Variants in SYNDIG1L observed in about 807,000 individuals in gnomAD.
SYNDIG1L encodes the protein synapse differentiation-inducing gene protein 1-like.
SYNDIG1L carries 13 observed loss-of-function variants against 20.1 expected under a neutral mutation model. That is an observed-to-expected ratio of 0.65 (90% CI 0.42 to 1.03). SYNDIG1L has a LOEUF of 1.03. SYNDIG1L is among the 50% of genes least tolerant of loss of function. The probability of loss-of-function intolerance (pLI) is 0.00; values close to 1 mark genes in which losing one functional copy is unlikely to be tolerated. For synonymous variants in SYNDIG1L, 128 were observed against 129.3 expected (o/e 0.99, Z 0.07); for missense variants, 294 against 305.1 (o/e 0.96, Z 0.27).
the SYNDIG1L span, among the ~76,000 whole-genome samples, chr14:74,447,760 T>A: frequency 6.6e-6 from 1 of 152,038 alleles, no homozygotes; most frequent in Non-Finnish European, 1.5e-5. Context: ...AATGGTAAAA[T>A]ATAGAACATT....
chr14:74,458,411 G>A, the SYNDIG1L span, among the ~76,000 whole-genome samples: 3 of 151,754 alleles, frequency 2.0e-5, no homozygotes, highest in Non-Finnish European at 4.4e-5. Context: ...GAGCTCAGGA[G>A]TTCAAAACCA....
the SYNDIG1L span, among the ~76,000 whole-genome samples, chr14:74,449,985 G>GA: frequency 5.7e-4 from 86 of 152,020 alleles, no homozygotes; most frequent in African/African-American, 2.0e-3. Context: ...GACTGAGTAG[G>GA]AAAAAAAGAG....
chr14:74,435,173 C>T, the SYNDIG1L span, among the ~76,000 whole-genome samples: 4 of 151,922 alleles, frequency 2.6e-5, no homozygotes, highest in Admixed American at 2.6e-4. Context: ...GCCTTGCCCT[C>T]CATCCTCAAG....
intron 1 of SYNDIG1L, among the ~76,000 whole-genome samples, chr14:74,417,586 C>T (rs1369871120): frequency 6.6e-6 from 1 of 152,184 alleles, no homozygotes; most frequent in African/African-American, 2.4e-5. Flanking sequence ...TATTATTATT[C>T]CCCATTGTTT....
At chr14:74,418,232 G>A (rs75323194) in intron 1 of SYNDIG1L, among the ~76,000 whole-genome samples, 4,014 of 152,350 alleles carry the variant, frequency 0.026, 138 homozygotes, top group South Asian at 0.15. Flanking sequence ...GAGCCACCAA[G>A]CCAGCTTGGA....
At chr14:74,427,440 G>A (rs771008994), upstream of SYNDIG1L, among the ~76,000 whole-genome samples, 38 of 152,232 alleles carry the variant, frequency 2.5e-4, no homozygotes, top group Non-Finnish European at 3.8e-4. Flanking sequence ...CCCACAGGAT[G>A]TGGGCATCTG....
At chr14:74,477,073 CA>C in the SYNDIG1L span, among the ~76,000 whole-genome samples, 2 of 75,834 alleles carry the variant, frequency 2.6e-5, no homozygotes, top group African/African-American at 4.4e-5. Flanking sequence ...CACACACACA[CA>C]CACACACACA....
the SYNDIG1L span, among the ~76,000 whole-genome samples, chr14:74,458,288 C>T: frequency 4.6e-5 from 7 of 152,196 alleles, no homozygotes; most frequent in Admixed American, 2.6e-4. Flanking sequence ...TGTGAATGTG[C>T]TTTGCAGGTT....
At chr14:74,434,598 T>C in the SYNDIG1L span, among the ~76,000 whole-genome samples, 12 of 150,980 alleles carry the variant, frequency 7.9e-5, no homozygotes, top group African/African-American at 2.4e-4. Context: ...TCCAGAAGGG[T>C]CAGGAAACTG....
chr14:74,428,581 A>C (rs1246348601), upstream of SYNDIG1L, among the ~76,000 whole-genome samples: 3 of 152,198 alleles, frequency 2.0e-5, no homozygotes, highest in Admixed American at 1.3e-4. Context: ...GTCATGGAGT[A>C]AGTGAAGAGT....
chr14:74,440,565 G>C, the SYNDIG1L span, among the ~76,000 whole-genome samples: 3 of 149,094 alleles, frequency 2.0e-5, no homozygotes, highest in East Asian at 5.9e-4. Flanking sequence ...GGCGCCTGTA[G>C]TCCCAGCTAC....
At chr14:74,428,421 T>C (rs1358285317), upstream of SYNDIG1L, among the ~76,000 whole-genome samples, 1 of 152,212 alleles carries the variant, frequency 6.6e-6, no homozygotes. Context: ...CATCAAGCAT[T>C]TCCTGCCATG....
At chr14:74,459,544 A>C in the SYNDIG1L span, among the ~76,000 whole-genome samples, 2 of 152,128 alleles carry the variant, frequency 1.3e-5, no homozygotes, top group African/African-American at 4.8e-5. Flanking sequence ...TGTGACTGAA[A>C]TTGTGAGGAC....
the SYNDIG1L span, among the ~76,000 whole-genome samples, chr14:74,459,316 G>A: frequency 6.6e-6 from 1 of 152,148 alleles, no homozygotes; most frequent in Non-Finnish European, 1.5e-5. Flanking sequence ...AGGACTTTGA[G>A]CAACATGGCG....
the SYNDIG1L span, among the ~76,000 whole-genome samples, chr14:74,457,860 C>T: frequency 0.02 from 3,036 of 152,148 alleles, 108 homozygotes; most frequent in African/African-American, 0.069. Context: ...TGCAGTGGTG[C>T]GGTCACAACT....
the SYNDIG1L span, among the ~76,000 whole-genome samples, chr14:74,434,549 T>TG: frequency 6.6e-6 from 1 of 150,610 alleles, no homozygotes; most frequent in African/African-American, 2.4e-5. Context: ...GGAGATGACT[T>TG]GGGGAGGAAA....
At chr14:74,436,721 G>A in the SYNDIG1L span, among the ~76,000 whole-genome samples, 1 of 151,946 alleles carries the variant, frequency 6.6e-6, no homozygotes, top group Non-Finnish European at 1.5e-5. Flanking sequence ...GTGGTGGGAC[G>A]CGCCTGCAAT....
the SYNDIG1L span, among the ~76,000 whole-genome samples, chr14:74,459,631 C>T: frequency 8.5e-5 from 13 of 152,216 alleles, no homozygotes; most frequent in Admixed American, 7.8e-4. Context: ...ATCTTCAGGA[C>T]ACAGGGCCAG....
chr14:74,465,997 G>C, the SYNDIG1L span, among the ~76,000 whole-genome samples: 2 of 152,230 alleles, frequency 1.3e-5, no homozygotes, highest in African/African-American at 4.8e-5. Flanking sequence ...GCCAGCAGCA[G>C]CTACTGCCAG....
Sources: gnomAD v4.1 joint callset for allele counts (sites outside exome capture counted in the v4.1 genomes callset) on GRCh38, gnomAD v4.1.1 for gene constraint, MANE v1.5 for transcripts, NCBI Gene and HGNC (gene_info 2026-07-23, HGNC 2026-07-21) for gene names.